GRTP1: variants seen among roughly 807,000 people sequenced by gnomAD.
The protein encoded by GRTP1 is growth hormone regulated TBC protein 1.
Under a neutral mutation model 38.1 loss-of-function variants are expected in GRTP1, and 56 were observed. The observed-to-expected ratio is 1.47, with a 90% CI of 1.19 to 1.84. The LOEUF is 1.84. Among genes scored for constraint, GRTP1 ranks in the 40% most tolerant of loss-of-function variants. GRTP1 has a pLI of 0.00. For missense variants in GRTP1, 506 were observed against 453.9 expected, an observed-to-expected ratio of 1.11 and a Z score of -1.04; for synonymous variants, 217 against 189.5, an observed-to-expected ratio of 1.14 and a Z score of -1.19.
In GRTP1 at chr13:113,364,027, C is replaced by T. The variant is rs779792176; in HGVS notation, c.25G>A (p.Val9Ile). The T allele has an allele frequency of 1.5e-6, 2 of 1,309,058 alleles. No individual in the cohort carries two copies. Among genetic ancestry groups the T allele is most frequent in the African/African-American group, 1.6e-5 (1 of 63,510 alleles). The allele number at this position is 1,309,058 out of a possible 1,614,324, so 81.1% of individuals were successfully genotyped here. A position where few individuals can be genotyped will look rare whatever the true frequency, so the allele number is the denominator to read the frequency against. ...GCACCCCGCGCCACACACCTGGGGA[C>T]CCGCGAGCGCTCGGCGGGCTGCATG... MQPAERSR[V>I]PRIDPYGFER... The change falls in exon 1 of 8, where the codon GTC becomes ATC. Residue 9 changes from valine (V) to isoleucine (I), a missense_variant. Coordinates refer to ENST00000375431, the MANE Select transcript of GRTP1 (RefSeq NM_024719.4).
chr13:113,345,446 C>A (rs1246440481), intron 4 of GRTP1, among the ~76,000 whole-genome samples: 1 of 152,270 alleles, frequency 6.6e-6, no homozygotes, highest in Admixed American at 6.5e-5. Context: ...AGGGCGGGTG[C>A]TGCCTCCAAC....
rs2042744804 is a variant in GRTP1, at chr13:113,325,411, G to A, written c.921+250C>T. 3.5e-6 allele frequency: 5 copies of A among 1,439,138 alleles called. No homozygotes were observed. In the East Asian group the frequency reaches 1.2e-4, roughly 36 times the overall value. The allele number at this position is 1,439,138 out of a possible 1,614,324, so 89.1% of individuals were successfully genotyped here. ...ACTTCTGGCACCACACACAGCAGAT[G>A]AGTACAGCCATTAGGACCAGGAGCA... On this transcript the variant is annotated intron_variant, in intron 7 of 7. Transcript: ENST00000375431.
chr13:113,338,476 G>A (rs1012945046), intron 5 of GRTP1, among the ~76,000 whole-genome samples: 2 of 152,168 alleles, frequency 1.3e-5, no homozygotes, highest in African/African-American at 4.8e-5. Context: ...ACAGTGGTGG[G>A]GGAAACCGGG....
chr13:113,351,461 GGCTGAGA>G (rs113895245), intron 3 of GRTP1, among the ~76,000 whole-genome samples: 3,075 of 152,304 alleles, frequency 0.02, 91 homozygotes, highest in African/African-American at 0.07. Context: ...TAAAGGACAC[GGCTGAGA>G]GCTGAGAGCT....
chr13:113,350,216 C>T (rs1050001587), intron 4 of GRTP1, among the ~76,000 whole-genome samples: 4 of 152,118 alleles, frequency 2.6e-5, no homozygotes, highest in Non-Finnish European at 4.4e-5. Flanking sequence ...CCCTGCATTC[C>T]GGCCTGTTCA....
At chr13:113,346,071 CGGCTGAGCAGACCTGGGAAGACATCTGT>C (rs2043108705) in intron 4 of GRTP1, among the ~76,000 whole-genome samples, 1 of 8,932 alleles carries the variant, frequency 1.1e-4, no homozygotes, top group African/African-American at 3.8e-4. Flanking sequence ...AGGACCTCTG[CGGCTGAGCAGACCTGGGAAGACATCTGT>C]GGCCGAGAAC....
intron 2 of GRTP1, among the ~76,000 whole-genome samples, chr13:113,356,617 A>G (rs1455522888): frequency 6.6e-6 from 1 of 152,208 alleles, no homozygotes; most frequent in Non-Finnish European, 1.5e-5. Context: ...ATACTTTACA[A>G]AAGAAAAGAA....
Position 113,343,758 on chromosome 13 carries a change from C to T in GRTP1, c.562+1105G>A, listed in dbSNP as rs968305116. On this transcript the variant is annotated intron_variant, in intron 5 of 7. Transcript: ENST00000375431. This position sits in a 1 kb window ranked among gnomAD's most constrained non-coding sequence, Gnocchi z 4.8. ...CCAGGCAGGAGCTGGAGCCACACAC[C>T]CCCAGGCTCCAAACACTGGGGACTG... is the stretch of plus-strand genomic sequence containing the variant. Among the ~76,000 whole-genome samples, 1 of 152,198 alleles carries T rather than the reference C, an allele frequency of 6.6e-6. No homozygotes were observed. The highest frequency in any genetic ancestry group is 1.5e-5 in the Non-Finnish European group (1 of 68,032).
At chr13:113,324,829 C>T in intron 7 of GRTP1, 4 of 1,003,170 alleles carry the variant, frequency 4.0e-6, no homozygotes, top group South Asian at 3.0e-5. Flanking sequence ...TTCCATTAGA[C>T]TTTTTTTTTT....
chr13:113,332,007 G>GCCCTCTCACTTCCCAAGTGC (rs2042878267), intron 5 of GRTP1, among the ~76,000 whole-genome samples: 1 of 151,330 alleles, frequency 6.6e-6, no homozygotes, highest in Admixed American at 6.6e-5. Flanking sequence ...CATGTCTTAT[G>GCCCTCTCACTTCCCAAGTGC]CCTGTAATCC....
At position 113,342,359 on chromosome 13, in the gene GRTP1, T is replaced by C. The variant is rs1379673285; in HGVS notation, c.562+2504A>G. Among the ~76,000 whole-genome samples, 3 of 151,812 alleles carry C rather than the reference T, an allele frequency of 2.0e-5. No individual in the cohort carries two copies. The highest frequency in any genetic ancestry group is 4.4e-5 in the Non-Finnish European group (3 of 67,952). ...TCTCTACTAAAAATACAAAAAAAAA[T>C]TGGCCAGGCGTAGTGGCGGGCGCCT... On this transcript the variant is annotated intron_variant, in intron 5 of 7. Transcript: ENST00000375431. The surrounding 1 kb of genome is among the most constrained non-coding windows in gnomAD (Gnocchi z 4.5).
At chr13:113,354,598 A>AACT (rs1047869095) in intron 3 of GRTP1, among the ~76,000 whole-genome samples, 35 of 149,790 alleles carry the variant, frequency 2.3e-4, no homozygotes, top group Non-Finnish European at 4.9e-4. Context: ...GTGCAATCCC[A>AACT]ACTCACCGCA....
intron 2 of GRTP1, among the ~76,000 whole-genome samples, chr13:113,361,288 A>G (rs561793834): frequency 3.3e-5 from 5 of 151,798 alleles, no homozygotes; most frequent in Non-Finnish European, 7.4e-5. Flanking sequence ...GGGGAAAAGA[A>G]TAAAAATCTG....
chr13:113,342,744 G>A lies in GRTP1; in HGVS notation c.562+2119C>T, dbSNP rs2043043860. Among the ~76,000 whole-genome samples the A allele has an allele frequency of 6.6e-6, 1 of 152,142 alleles. No homozygotes were observed. The highest frequency in any genetic ancestry group is 2.4e-5 in the African/African-American group (1 of 41,424). ...ATATTTGCCTCTTTTCTCTGCCGCTGGGAGAGCTCTGCCGGGATCGGAATA... is the reference window on the plus strand; with the variant it reads ...ATATTTGCCTCTTTTCTCTGCCGCTAGGAGAGCTCTGCCGGGATCGGAATA... On this transcript the variant is annotated intron_variant, in intron 5 of 7. Transcript: ENST00000375431. The surrounding 1 kb of genome is among the most constrained non-coding windows in gnomAD (Gnocchi z 4.5).
intron 4 of GRTP1, among the ~76,000 whole-genome samples, chr13:113,350,011 C>T (rs548790506): frequency 5.3e-5 from 8 of 152,280 alleles, no homozygotes; most frequent in African/African-American, 1.4e-4. Context: ...CGGTGGCAGC[C>T]GTGGGCTCCA....
rs761122972 is a variant in GRTP1, at chr13:113,324,497, T to C, written c.1002A>G (p.Ala334=). The change falls in exon 8 of 8, where the codon GCA becomes GCG. Residue 334 remains alanine, a synonymous_variant. Coordinates refer to ENST00000375431, the MANE Select transcript of GRTP1 (RefSeq NM_024719.4). ...CAGGGGACAGGCACGCTCACCCCTG[T>C]GCCAGCAGCCGGGCCCTGCAGCTCT... is the stretch of plus-strand genomic sequence containing the variant. ...LRESCRARLL[A]QG 8.7e-6 allele frequency: 14 copies of C among 1,609,530 alleles called. No individual in the cohort carries two copies. The East Asian group carries it at 2.7e-4, about 31-fold the overall frequency.
intron 5 of GRTP1, 113 bp from the exon 6 acceptor site, chr13:113,326,204 AGAGG>A: frequency 7.8e-7 from 1 of 1,279,214 alleles, no homozygotes. Flanking sequence ...ACCCCTCCCA[AGAGG>A]GAGGGACAAA....
At chr13:113,324,657 G>T in intron 7 of GRTP1, 80 bp from the exon 8 acceptor site, 1 of 1,517,984 alleles carries the variant, frequency 6.6e-7, no homozygotes, top group African/African-American at 1.4e-5. Flanking sequence ...CAGGCAGGCA[G>T]ACAGGCCTCG....
chr13:113,351,098 CGCACAGCA>C, intron 3 of GRTP1, 125 bp from the exon 4 acceptor site: 1 of 1,235,352 alleles, frequency 8.1e-7, no homozygotes. Flanking sequence ...TCACCCTGGC[CGCACAGCA>C]GACTCAACAC....
Sources: allele counts gnomAD v4.1 joint callset (sites outside exome capture counted in the v4.1 genomes callset), GRCh38; gene constraint gnomAD v4.1.1; non-coding constraint Gnocchi (gnomAD v3.1); transcripts MANE v1.5; gene names NCBI Gene and HGNC (gene_info 2026-07-23, HGNC 2026-07-21).